Variants in NDRG1 observed in about 807,000 individuals in gnomAD.
NDRG1 encodes the protein protein NDRG1.
NDRG1 carries 32 observed loss-of-function variants against 56.9 expected under a neutral mutation model. The observed-to-expected ratio is 0.56, with a 90% CI of 0.42 to 0.76. The LOEUF is 0.76. NDRG1 is among the 30% of genes least tolerant of loss of function. The pLI, the probability that NDRG1 is intolerant of heterozygous loss-of-function variation, is 0.00. For synonymous variants in NDRG1, 211 were observed against 204.1 expected (o/e 1.03, Z -0.29); for missense variants, 507 against 545.7 (o/e 0.93, Z 0.71).
In NDRG1 at chr8:133,246,636, T is replaced by A. The variant is rs764640904; in HGVS notation, c.835A>T (p.Thr279Ser). 21 of 1,614,088 alleles carry A rather than the reference T, an allele frequency of 1.3e-5. No homozygotes were observed. The South Asian group carries it at 2.2e-4, about 17-fold the overall frequency. ...VVECNSKLDP[T>S]KTTLLKMADC... ...TGTACCTTGAGGAGAGTGGTCTTTG[T>A]TGGGTCCAATTTTGAGTTGCACTCC... Residue 279 changes from threonine (T) to serine (S), a missense_variant, in exon 13 of 16, where the codon ACA (threonine) becomes TCA (serine). Thr to Ser is a moderately conservative substitution (Grantham distance 58). Transcript: ENST00000323851.
intron 1 of NDRG1, among the ~76,000 whole-genome samples, chr8:133,286,820 GT>G (rs1450286498): frequency 5.9e-5 from 9 of 152,226 alleles, no homozygotes; most frequent in African/African-American, 2.2e-4. Context: ...AGACTCTGAA[GT>G]CTGCCGGGAG....
intron 1 of NDRG1, among the ~76,000 whole-genome samples, chr8:133,290,022 A>T (rs544107220): frequency 6.6e-6 from 1 of 152,310 alleles, no homozygotes; most frequent in African/African-American, 2.4e-5. Flanking sequence ...AAAGGGCCAC[A>T]GGGTCTTACC....
At chr8:133,289,934 C>T (rs936290452) in intron 1 of NDRG1, among the ~76,000 whole-genome samples, 6 of 152,172 alleles carry the variant, frequency 3.9e-5, no homozygotes, top group Non-Finnish European at 7.4e-5. Flanking sequence ...GCACAGTGTA[C>T]GTCTATGGAG....
Position 133,274,588 on chromosome 8 carries a change from T to C in NDRG1, c.99+5644A>G, listed in dbSNP as rs535175425. ...TGAATAGATAAAATTCATTTGCCAT[T>C]AAGGCACAGCAACTCTTGAGTCCTA... On this transcript the variant is annotated intron_variant, in intron 3 of 15. Coordinates refer to ENST00000323851, the MANE Select transcript of NDRG1 (RefSeq NM_006096.4). Among the ~76,000 whole-genome samples the C allele has an allele frequency of 1.0e-3, 154 of 152,270 alleles. 1 individual carries two copies. Among genetic ancestry groups the C allele is most frequent in the African/African-American group, 3.4e-3 (143 of 41,554 alleles).
At chr8:133,252,348 G>A (rs1416636935) in intron 9 of NDRG1, among the ~76,000 whole-genome samples, 2 of 152,204 alleles carry the variant, frequency 1.3e-5, no homozygotes, top group African/African-American at 2.4e-5. Flanking sequence ...ACTCGCCTAA[G>A]CCTCCCAAAG....
intron 2 of NDRG1, among the ~76,000 whole-genome samples, chr8:133,283,894 C>T (rs145712374): frequency 0.02 from 2,972 of 152,242 alleles, 34 homozygotes; most frequent in Non-Finnish European, 0.027. Context: ...ATGTTAGAGA[C>T]GGGAAAGCTG....
chr8:133,248,111 C>T (rs1414190252), intron 11 of NDRG1, among the ~76,000 whole-genome samples, 185 bp from the exon 12 acceptor site: 2 of 152,204 alleles, frequency 1.3e-5, no homozygotes, highest in African/African-American at 4.8e-5. Context: ...TCATTCACAA[C>T]TTAGTATGAA....
At chr8:133,284,908 GA>G (rs1263010014) in intron 1 of NDRG1, 3 of 452,086 alleles carry the variant, frequency 6.6e-6, no homozygotes, top group Non-Finnish European at 1.3e-5. Flanking sequence ...TAAAAGGGAA[GA>G]GGGGCAGAGG....
At chr8:133,276,630 T>C (rs765013994) in intron 3 of NDRG1, among the ~76,000 whole-genome samples, 2 of 152,204 alleles carry the variant, frequency 1.3e-5, no homozygotes, top group Non-Finnish European at 2.9e-5. Flanking sequence ...TAAACGGCAG[T>C]TCCCCTGCAC....
At chr8:133,239,395 G>A in intron 15 of NDRG1, 1 of 595,668 alleles carries the variant, frequency 1.7e-6, no homozygotes, top group Non-Finnish European at 3.0e-6. Context: ...GTTAAAAGCT[G>A]TGTAATTTTG....
intron 3 of NDRG1, among the ~76,000 whole-genome samples, chr8:133,278,332 C>A (rs1857575261): frequency 6.6e-6 from 1 of 152,136 alleles, no homozygotes; most frequent in African/African-American, 2.4e-5. Context: ...CTTAGCTGCC[C>A]CACCATGCCA....
chr8:133,281,270 T>C (rs1040019008), intron 2 of NDRG1, among the ~76,000 whole-genome samples: 6 of 151,796 alleles, frequency 4.0e-5, no homozygotes, highest in African/African-American at 1.5e-4. Context: ...GGCAGGAGAA[T>C]TCCTTGAACC....
At chr8:133,259,319 C>T in intron 5 of NDRG1, 89 bp from the exon 6 acceptor site, 1 of 1,350,414 alleles carries the variant, frequency 7.4e-7, no homozygotes, top group South Asian at 1.2e-5. Context: ...GGGGACCATG[C>T]AGCAGCCTGC....
chr8:133,252,775 C>T (rs533512095), intron 9 of NDRG1, among the ~76,000 whole-genome samples: 1 of 151,594 alleles, frequency 6.6e-6, no homozygotes, highest in African/African-American at 2.4e-5. Context: ...TCACCAGCTC[C>T]AGAGTGGAGG....
At chr8:133,270,533 A>C (rs997654622) in intron 3 of NDRG1, among the ~76,000 whole-genome samples, 1 of 151,944 alleles carries the variant, frequency 6.6e-6, no homozygotes, top group Non-Finnish European at 1.5e-5. Context: ...AGCTTCAAGG[A>C]GAGTTTTTTA....
intron 3 of NDRG1, among the ~76,000 whole-genome samples, chr8:133,273,639 CA>C (rs1857305738): frequency 6.6e-6 from 1 of 152,178 alleles, no homozygotes; most frequent in African/African-American, 2.4e-5. Flanking sequence ...TTTTCGGAAG[CA>C]GATGGATCTA....
In NDRG1 at chr8:133,237,568, C is replaced by G. The variant is rs1855123009; in HGVS notation, c.*1310G>C. 1 of 233,148 alleles carries G rather than the reference C, an allele frequency of 4.3e-6. No homozygotes were observed. Among genetic ancestry groups the G allele is most frequent in the Non-Finnish European group, 8.5e-6 (1 of 118,042 alleles). 14.4% of individuals were successfully genotyped at this position (233,148 alleles called of 1,614,324 possible). A position where few individuals can be genotyped will look rare whatever the true frequency, so the allele number is the denominator to read the frequency against. On this transcript the variant is annotated 3_prime_UTR_variant, in exon 16 of 16. Coordinates refer to ENST00000323851, the MANE Select transcript of NDRG1 (RefSeq NM_006096.4). The stretch of plus-strand genomic sequence containing the variant: ...TGGCCGCCCAGAAACGTCAGTGGTG[C>G]TGCCCCATTCGGCGAAAGGTTAGGG...
chr8:133,268,483 C>G (rs1306575156), intron 3 of NDRG1, among the ~76,000 whole-genome samples: 1 of 152,168 alleles, frequency 6.6e-6, no homozygotes, highest in Non-Finnish European at 1.5e-5. Flanking sequence ...ACAAAGACCC[C>G]GTCTGAGAAC....
At chr8:133,245,660 C>A (rs1296899602) in intron 13 of NDRG1, among the ~76,000 whole-genome samples, 1 of 152,104 alleles carries the variant, frequency 6.6e-6, no homozygotes, top group Non-Finnish European at 1.5e-5. Flanking sequence ...CACGGCCCTG[C>A]CCACACCTTG....
Sources: gnomAD v4.1 joint callset for allele counts (sites outside exome capture counted in the v4.1 genomes callset) on GRCh38, gnomAD v4.1.1 for gene constraint, MANE v1.5 for transcripts, NCBI Gene and HGNC (gene_info 2026-07-23, HGNC 2026-07-21) for gene names.